The following WDR90 variants were observed in gnomAD, a reference collection of about 807,000 sequenced individuals.
WDR90 encodes WD repeat-containing protein 90.
WDR90 carries 238 observed loss-of-function variants against 195.2 expected under a neutral mutation model. The observed-to-expected ratio is 1.22, with a 90% confidence interval of 1.10 to 1.36. WDR90 has a LOEUF of 1.36. Among genes scored for constraint, WDR90 ranks in the 40% most tolerant of loss-of-function variants. The probability of loss-of-function intolerance (pLI) is 0.00; values close to 1 mark genes in which losing one functional copy is unlikely to be tolerated. For missense variants in WDR90, 2,734 were observed against 2,439.5 expected (o/e 1.12, Z -2.54); for synonymous variants, 1,265 against 1,052.4 (o/e 1.20, Z -3.91).
chr16:657,074 C>A lies in WDR90; in HGVS notation c.2343-17C>A. The A allele has an allele frequency of 6.3e-7, 1 of 1,596,336 alleles. No homozygotes were observed. On this transcript the variant is annotated splice_polypyrimidine_tract_variant and intron_variant, in intron 19 of 40. Coordinates refer to ENST00000293879, the MANE Select transcript of WDR90 (RefSeq NM_145294.5). ...GCTTCGGGGCTAGGGCCAGCGGGGT[C>A]CCTGTGTGTGCTGCAGGTGCCACCG...
chr16:656,395 C>G lies in WDR90; in HGVS notation c.2060C>G (p.Thr687Arg), dbSNP rs756640844. The change falls in exon 18 of 41, where the codon ACG (threonine) becomes AGG (arginine). Residue 687 changes from threonine to arginine, a missense_variant. Transcript: ENST00000293879. ...TCGGGCCACCTGGGCTTCCTGGACA[C>G]GCTGTCCCGGGTGTACCACATGCTG... is the stretch of plus-strand genomic sequence containing the variant. ...TSSGHLGFLD[T>R]LSRVYHMLAR... 1.2e-6 allele frequency: 2 copies of G among 1,608,592 alleles called. No individual in the cohort carries two copies. The highest frequency in any genetic ancestry group is 1.7e-6 in the Non-Finnish European group (2 of 1,179,396).
At position 655,070 on chromosome 16, in the gene WDR90, C is replaced by G; in HGVS notation, c.1479C>G (p.Gly493=). 1 of 1,612,706 alleles carries G rather than the reference C, an allele frequency of 6.2e-7. No individual in the cohort carries two copies. The change falls in exon 14 of 41, where the codon GGC becomes GGG. Residue 493 remains glycine (G), a synonymous_variant. Transcript: ENST00000293879. ...GCACCGGCCAGGTGGGCCTCGGTGG[C>G]GAGGTGGTCGTTCTGGCAAAGGCGC... ...AWGTGQVGLG[G]EVVVLAKAHT... is the part of the protein sequence containing the mutation.
rs768544569 is a variant in WDR90, at chr16:651,973, T to C, written c.987T>C (p.Ala329=). 4.4e-6 allele frequency: 7 copies of C among 1,607,552 alleles called. No individual in the cohort carries two copies. In the South Asian group the frequency reaches 7.8e-5, roughly 18 times the overall value. ...QLEASDIHTA[A]AGTHVLTHES... The stretch of plus-strand genomic sequence containing the variant: ...AGGCCTCTGACATCCACACGGCTGC[T>C]GCCGGCACCCACGTGTTGACTCACG... The change falls in exon 9 of 41, where the codon GCT becomes GCC. Residue 329 remains alanine (A), a synonymous_variant. Coordinates refer to ENST00000293879, the MANE Select transcript of WDR90 (RefSeq NM_145294.5).
At chr16:660,316 C>T (rs2037868647) in intron 27 of WDR90, among the ~76,000 whole-genome samples, 155 bp downstream of exon 27, 1 of 152,232 alleles carries the variant, frequency 6.6e-6, no homozygotes, top group African/African-American at 2.4e-5. Flanking sequence ...TCATCCCACA[C>T]CCCCACCCCT....
rs780534225 is a variant in WDR90, at chr16:666,090, G to T, written c.4575G>T (p.Pro1525=). 1 of 1,610,256 alleles carries T rather than the reference G, an allele frequency of 6.2e-7. No homozygotes were observed. Among genetic ancestry groups the T allele is most frequent in the Non-Finnish European group, 8.5e-7 (1 of 1,179,636 alleles). The change falls in exon 36 of 41, where the codon CCG becomes CCT. Residue 1525 remains proline, a synonymous_variant. Coordinates refer to ENST00000293879, the MANE Select transcript of WDR90 (RefSeq NM_145294.5). ...TGGAGCTCAAGATGCACCCCCACCC[G>T]GTGGCGCTGACCACTGTTGCCTTCT... ...TAMELKMHPH[P]VALTTVAFST...
In WDR90 at chr16:653,661, G is replaced by C. The variant is rs1349334407; in HGVS notation, c.1370G>C (p.Cys457Ser). 1.2e-6 allele frequency: 2 copies of C among 1,613,380 alleles called. No individual in the cohort carries two copies. The highest frequency in any genetic ancestry group is 2.7e-5 in the African/African-American group (2 of 74,944). Residue 457 changes from cysteine (C) to serine (S), a missense_variant, in exon 12 of 41, where the codon TGC (cysteine) becomes TCC (serine). Cys to Ser is a moderately radical substitution (Grantham distance 112). Coordinates refer to ENST00000293879, the MANE Select transcript of WDR90 (RefSeq NM_145294.5). ...TTCCGGAGCCCAATGCACGTTGTCTGCTCTCTCAGGTGAGCACAGGTCTGC... is the reference window on the plus strand; with the variant it reads ...TTCCGGAGCCCAATGCACGTTGTCTCCTCTCTCAGGTGAGCACAGGTCTGC... ...CLFRSPMHVV[C>S]SLSFSDSGAL...
At chr16:653,841 C>A (rs1367676435) in intron 13 of WDR90, 38 bp downstream of exon 13, 5 of 1,610,576 alleles carry the variant, frequency 3.1e-6, no homozygotes, top group Non-Finnish European at 4.2e-6. Flanking sequence ...GTGGGGCTGT[C>A]CTGATGCACG....
At chr16:660,516 G>GC in intron 27 of WDR90, 96 bp from the exon 28 acceptor site, 1 of 1,287,720 alleles carries the variant, frequency 7.8e-7, no homozygotes, top group Non-Finnish European at 1.1e-6. Flanking sequence ...TCTGCAGCTG[G>GC]CCTGGGTGTG....
rs116893099 is a variant in WDR90, at chr16:664,307, G to T, written c.4312-1372G>T. 2.4e-4 allele frequency among the ~76,000 whole-genome samples: 37 copies of T among 152,336 alleles called. No homozygotes were observed. In the East Asian group the frequency reaches 6.4e-3, roughly 26 times the overall value. On this transcript the variant is annotated intron_variant, in intron 34 of 40. Coordinates refer to ENST00000293879, the MANE Select transcript of WDR90 (RefSeq NM_145294.5). Reference sequence around the variant, plus strand: ...TGGGTCTTCCCATTCAGGATATTCTGTAGGAACTGGCTCACCTGGCTTCTC... The same window carrying T: ...TGGGTCTTCCCATTCAGGATATTCTTTAGGAACTGGCTCACCTGGCTTCTC...
In WDR90 at chr16:655,850, C is replaced by A. The variant is rs1201533176; in HGVS notation, c.1927C>A (p.Leu643Ile). ...GGGCTCTGAGGACGGCTTCTTGCGG[C>A]TCTGGCCCCTGGACTTCTCCTCGGT... ...AVGSEDGFLR[L>I]WPLDFSSVLL... Residue 643 changes from leucine (L) to isoleucine (I), a missense_variant, in exon 17 of 41, where the codon CTC (leucine) becomes ATC (isoleucine). Leu to Ile is a conservative substitution (Grantham distance 5). Transcript: ENST00000293879. 1 of 1,598,696 alleles carries A rather than the reference C, an allele frequency of 6.3e-7. No individual in the cohort carries two copies. The highest frequency in any genetic ancestry group is 8.5e-7 in the Non-Finnish European group (1 of 1,175,094).
Position 650,011 on chromosome 16 carries a change from C to A in WDR90, c.123C>A (p.Ala41=). ...AVVTDKTLKG[A]VYRIRGSVSA... ...TCCAGGACAAGACCCTGAAGGGCGC[C>A]GTGTATCGCATTCGGGGCTCAGTCT... Residue 41 remains alanine, a synonymous_variant, in exon 3 of 41, where the codon GCC becomes GCA. Transcript: ENST00000293879. 3 of 1,612,792 alleles carry A rather than the reference C, an allele frequency of 1.9e-6. No individual in the cohort carries two copies. Among genetic ancestry groups the A allele is most frequent in the Non-Finnish European group, 2.5e-6 (3 of 1,179,966 alleles).
In WDR90 at chr16:649,394, C is replaced by T; in HGVS notation, c.-23C>T. The T allele has an allele frequency of 7.6e-7, 1 of 1,322,602 alleles. No homozygotes were observed. 81.9% of individuals were successfully genotyped at this position (1,322,602 alleles called of 1,614,324 possible). A position where few individuals can be genotyped will look rare whatever the true frequency, so the allele number is the denominator to read the frequency against. ...TGCGCTGGGCGCGCGGAGGCCTAGGCGGGAAGCTCGAGCGGCGGCGCCATG... is the reference window on the plus strand; with the variant it reads ...TGCGCTGGGCGCGCGGAGGCCTAGGTGGGAAGCTCGAGCGGCGGCGCCATG... On this transcript the variant is annotated 5_prime_UTR_variant, in exon 1 of 41. Coordinates refer to ENST00000293879, the MANE Select transcript of WDR90 (RefSeq NM_145294.5).
chr16:653,825 GT>G, intron 13 of WDR90, 22 bp downstream of exon 13: 1 of 1,612,716 alleles, frequency 6.2e-7, no homozygotes, highest in South Asian at 1.1e-5. Context: ...CTGGCTGCGG[GT>G]TGGGGTGGGG....
At chr16:664,836 C>G (rs966426312) in intron 34 of WDR90, among the ~76,000 whole-genome samples, 3 of 152,134 alleles carry the variant, frequency 2.0e-5, no homozygotes, top group African/African-American at 7.2e-5. Context: ...CCCGCCACCA[C>G]GCCCGACTAA....
chr16:666,412 T>C, intron 37 of WDR90, 43 bp from the exon 38 acceptor site: 1 of 1,608,872 alleles, frequency 6.2e-7, no homozygotes, highest in Non-Finnish European at 8.5e-7. Flanking sequence ...AGGCACCATC[T>C]TGGCAGAAGG....
chr16:666,176 C>T (rs755434565), intron 36 of WDR90, 44 bp from the exon 37 acceptor site: 3 of 1,606,070 alleles, frequency 1.9e-6, no homozygotes, highest in South Asian at 1.1e-5. Flanking sequence ...GGCCCAGGTC[C>T]AGTCTCCGGG....
chr16:649,734 C>G, intron 1 of WDR90, 29 bp from the exon 2 acceptor site: 1 of 1,544,332 alleles, frequency 6.5e-7, no homozygotes. Flanking sequence ...TGGCCGAGTC[C>G]CCTGACGCCC....
At chr16:663,922 T>G (rs1295965483) in intron 34 of WDR90, among the ~76,000 whole-genome samples, 1 of 152,188 alleles carries the variant, frequency 6.6e-6, no homozygotes. Context: ...GTAAGAGCTC[T>G]GCGTGTGGTC....
chr16:649,478 G>C, intron 1 of WDR90, 52 bp downstream of exon 1: 1 of 1,281,776 alleles, frequency 7.8e-7, no homozygotes, highest in African/African-American at 1.5e-5. Flanking sequence ...GGGGTTCCGG[G>C]GTCCAGGGTC....
Sources: gnomAD v4.1 joint callset for allele counts (sites outside exome capture counted in the v4.1 genomes callset) on GRCh38, gnomAD v4.1.1 for gene constraint, MANE v1.5 for transcripts, NCBI Gene and HGNC (gene_info 2026-07-23, HGNC 2026-07-21) for gene names.